Variants in RAB38 observed in about 807,000 individuals in gnomAD.
RAB38 encodes ras-related protein Rab-38.
A neutral mutation model predicts 18.4 loss-of-function variants in RAB38; 15 were observed. The observed-to-expected ratio is 0.82, with a 90% confidence interval of 0.55 to 1.26. The LOEUF is 1.26. Ranked by LOEUF, RAB38 falls within the 50% of genes most tolerant of loss-of-function variation. The pLI is 0.00. For synonymous variants in RAB38, 101 were observed against 104.4 expected, an observed-to-expected ratio of 0.97 and a Z score of 0.20; for missense variants, 294 against 267.4, an observed-to-expected ratio of 1.10 and a Z score of -0.69.
the RAB38 span, among the ~76,000 whole-genome samples, chr11:88,030,218 C>T: frequency 6.6e-5 from 10 of 152,178 alleles, no homozygotes; most frequent in Non-Finnish European, 1.5e-4. Flanking sequence ...CTCTGGGACA[C>T]ATTTAAGGCA....
the RAB38 span, among the ~76,000 whole-genome samples, chr11:88,046,361 C>T: frequency 1.3e-5 from 2 of 152,188 alleles, no homozygotes; most frequent in African/African-American, 4.8e-5. Flanking sequence ...CTATCCACCC[C>T]ATGGTGCCAA....
chr11:87,920,633 G>T, the RAB38 span, among the ~76,000 whole-genome samples: 5 of 151,992 alleles, frequency 3.3e-5, no homozygotes, highest in South Asian at 4.1e-4. Context: ...TGCAGTATTT[G>T]TGTATGTCTA....
At chr11:87,825,321 G>C in the RAB38 span, among the ~76,000 whole-genome samples, 1 of 152,132 alleles carries the variant, frequency 6.6e-6, no homozygotes, top group Non-Finnish European at 1.5e-5. Flanking sequence ...GTGTTAGTTT[G>C]CTAGGGCTGC....
chr11:87,957,058 C>G, the RAB38 span, among the ~76,000 whole-genome samples: 1 of 151,920 alleles, frequency 6.6e-6, no homozygotes, highest in African/African-American at 2.4e-5. Context: ...ATTGGCTGTG[C>G]TTTTCTCTTA....
the RAB38 span, among the ~76,000 whole-genome samples, chr11:88,056,590 G>T: frequency 6.6e-6 from 1 of 152,078 alleles, no homozygotes; most frequent in East Asian, 1.9e-4. Flanking sequence ...AGATCACGAG[G>T]TCAGGAGTTT....
the RAB38 span, among the ~76,000 whole-genome samples, chr11:88,036,794 G>A: frequency 1.3e-5 from 2 of 151,712 alleles, no homozygotes; most frequent in Non-Finnish European, 2.9e-5. Flanking sequence ...CTAATATAAG[G>A]ATTTACATTA....
chr11:87,977,650 A>C, the RAB38 span, among the ~76,000 whole-genome samples: 16 of 118,364 alleles, frequency 1.4e-4, no homozygotes, highest in African/African-American at 4.7e-4. Context: ...TATATAAATT[A>C]TACAGTATAT....
At chr11:87,970,170 C>T in the RAB38 span, among the ~76,000 whole-genome samples, 2 of 151,850 alleles carry the variant, frequency 1.3e-5, no homozygotes, top group Admixed American at 1.3e-4. Flanking sequence ...AACTTGGGAG[C>T]AAAATTGAAG....
the RAB38 span, among the ~76,000 whole-genome samples, chr11:88,009,272 G>A: frequency 6.6e-6 from 1 of 152,060 alleles, no homozygotes; most frequent in East Asian, 1.9e-4. Flanking sequence ...TCAAGCATAA[G>A]CATATAATAG....
the RAB38 span, among the ~76,000 whole-genome samples, chr11:87,860,878 G>A: frequency 1.3e-5 from 2 of 151,760 alleles, no homozygotes; most frequent in East Asian, 3.9e-4. Flanking sequence ...TTTAAAGTAA[G>A]GATTCCACTT....
At chr11:87,831,872 C>T in the RAB38 span, among the ~76,000 whole-genome samples, 2 of 152,140 alleles carry the variant, frequency 1.3e-5, no homozygotes, top group African/African-American at 4.8e-5. Context: ...TTCAGTGAGG[C>T]TCATTAGGAC....
chr11:87,976,672 G>A, the RAB38 span, among the ~76,000 whole-genome samples: 22,240 of 71,926 alleles, frequency 0.31, 2,717 homozygotes, highest in East Asian at 0.54. Context: ...AATTTTATAT[G>A]ATATATATTT....
At chr11:87,861,061 G>A in the RAB38 span, among the ~76,000 whole-genome samples, 1 of 151,880 alleles carries the variant, frequency 6.6e-6, no homozygotes, top group Non-Finnish European at 1.5e-5. Flanking sequence ...GGAGAACAAC[G>A]TCCCAAAGAA....
At chr11:88,124,000 A>G (rs1185322783) in intron 2 of RAB38, among the ~76,000 whole-genome samples, 2 of 152,202 alleles carry the variant, frequency 1.3e-5, no homozygotes, top group African/African-American at 2.4e-5. Flanking sequence ...TCTTTAGTAG[A>G]GAGTTTGAAG....
the RAB38 span, among the ~76,000 whole-genome samples, chr11:87,952,548 T>C: frequency 6.6e-6 from 1 of 152,170 alleles, no homozygotes. Flanking sequence ...GGCAGGGCAA[T>C]GGGAGCTAAA....
At chr11:87,959,412 C>G in the RAB38 span, among the ~76,000 whole-genome samples, 3 of 152,156 alleles carry the variant, frequency 2.0e-5, no homozygotes, top group African/African-American at 7.2e-5. Context: ...TAAGTAGGTA[C>G]AAGAACGCAT....
intron 2 of RAB38, among the ~76,000 whole-genome samples, chr11:88,124,690 A>G (rs1177835273): frequency 3.9e-5 from 6 of 152,206 alleles, no homozygotes; most frequent in Non-Finnish European, 8.8e-5. Context: ...CGGAGGCAGC[A>G]CTTAGAATAT....
chr11:88,145,236 G>A lies in RAB38; in HGVS notation c.483+4439C>T, dbSNP rs1046728511. ...GCGATCTCAGGTCACTGCAACCTCC[G>A]CCTCCCAGGTTCAAGCGATTCTCCT... is the stretch of plus-strand genomic sequence containing the variant. On this transcript the variant is annotated intron_variant, in intron 2 of 2. Coordinates refer to ENST00000243662, the MANE Select transcript of RAB38 (RefSeq NM_022337.3). Among the ~76,000 whole-genome samples, 10 of 151,666 alleles carry A rather than the reference G, an allele frequency of 6.6e-5. No individual in the cohort carries two copies. The East Asian group carries it at 9.7e-4, about 15-fold the overall frequency.
chr11:87,810,995 G>T, the RAB38 span, among the ~76,000 whole-genome samples: 1 of 152,114 alleles, frequency 6.6e-6, no homozygotes, highest in Non-Finnish European at 1.5e-5. Flanking sequence ...GAAAGGAAAA[G>T]TTGCCTGAAG....
Sources: gnomAD v4.1 joint callset for allele counts (sites outside exome capture counted in the v4.1 genomes callset) on GRCh38, gnomAD v4.1.1 for gene constraint, MANE v1.5 for transcripts, NCBI Gene and HGNC (gene_info 2026-07-23, HGNC 2026-07-21) for gene names.